Variants in CNST observed in about 807,000 individuals in gnomAD.
CNST encodes the protein consortin, connexin sorting protein, also known as consortin.
A neutral mutation model predicts 72.4 loss-of-function variants in CNST; 39 were observed. The ratio of observed to expected loss-of-function variants is 0.54; its 90% confidence interval spans 0.42 to 0.70. CNST has a LOEUF of 0.70. CNST is among the 30% of genes least tolerant of loss of function. The probability of loss-of-function intolerance (pLI) is 0.00; values close to 1 mark genes in which losing one functional copy is unlikely to be tolerated. For synonymous variants in CNST, 332 were observed against 320.1 expected (o/e 1.04, Z -0.40); for missense variants, 871 against 868.5 (o/e 1.00, Z -0.04).
At chr1:246,661,502 T>C (rs1667102345) in intron 10 of CNST, among the ~76,000 whole-genome samples, 1 of 152,226 alleles carries the variant, frequency 6.6e-6, no homozygotes, top group African/African-American at 2.4e-5. Flanking sequence ...TTCCTCTTCA[T>C]TGATAGAAAA....
Position 246,647,137 on chromosome 1 carries a change from AG to A in CNST, c.938-1del, listed in dbSNP as rs1290019827. 6.2e-7 allele frequency: 1 copy of A among 1,602,432 alleles called. No homozygotes were observed. Among genetic ancestry groups the A allele is most frequent in the African/African-American group, 1.3e-5 (1 of 74,156 alleles). On this transcript the variant is annotated splice_acceptor_variant, in intron 8 of 10. Transcript: ENST00000366513. LOFTEE classifies it high-confidence loss of function. ...TAACAATTTATTTTTCTTCATCTTT[AG>A]AGAGTAAAACTTGTCTCGGCACAGA...
intron 2 of CNST, among the ~76,000 whole-genome samples, chr1:246,598,309 G>A (rs1375127632): frequency 6.6e-6 from 1 of 152,116 alleles, no homozygotes; most frequent in Admixed American, 6.5e-5. Flanking sequence ...TGAGTGGCGT[G>A]ACTGGGAGTA....
intron 2 of CNST, among the ~76,000 whole-genome samples, chr1:246,599,948 C>T (rs1442421137): frequency 1.3e-5 from 2 of 152,176 alleles, no homozygotes; most frequent in African/African-American, 2.4e-5. Context: ...GAGGGAGCCA[C>T]GTAACTAACA....
intron 1 of CNST, among the ~76,000 whole-genome samples, chr1:246,575,680 A>G (rs1326038308): frequency 6.6e-6 from 1 of 152,184 alleles, no homozygotes; most frequent in African/African-American, 2.4e-5. Context: ...TGTGAATACT[A>G]AAAGCTATTG....
chr1:246,575,456 T>C (rs188273286), intron 1 of CNST, among the ~76,000 whole-genome samples: 1 of 152,292 alleles, frequency 6.6e-6, no homozygotes, highest in African/African-American at 2.4e-5. Context: ...TGAAAGAAGC[T>C]AATTGCAATA....
intron 1 of CNST, among the ~76,000 whole-genome samples, chr1:246,577,942 C>A (rs979530134): frequency 2.6e-5 from 4 of 151,994 alleles, no homozygotes; most frequent in African/African-American, 9.7e-5. Flanking sequence ...AAGTTTCCCT[C>A]TTCTGTTTCC....
intron 1 of CNST, 125 bp from the exon 2 acceptor site, chr1:246,591,387 C>A: frequency 1.4e-6 from 1 of 701,058 alleles, no homozygotes; most frequent in Non-Finnish European, 2.3e-6. Flanking sequence ...AGGGAATGAA[C>A]TTAAGTCATT....
chr1:246,659,594 C>CAA (rs35795572), intron 9 of CNST, among the ~76,000 whole-genome samples: 4 of 124,338 alleles, frequency 3.2e-5, no homozygotes, highest in Non-Finnish European at 7.1e-5. Flanking sequence ...GACTCTGTCT[C>CAA]AAAAAAAAAA....
chr1:246,625,662 C>T (rs181710338), intron 3 of CNST, among the ~76,000 whole-genome samples: 329 of 152,026 alleles, frequency 2.2e-3, no homozygotes, highest in African/African-American at 7.7e-3. Flanking sequence ...CCTCACGATC[C>T]GCCCGCCTCG....
chr1:246,634,675 G>C (rs978668219), intron 6 of CNST, 88 bp downstream of exon 6: 1 of 728,316 alleles, frequency 1.4e-6, no homozygotes, highest in Admixed American at 2.7e-5. Flanking sequence ...TTTGTTTTAT[G>C]TTTTCAACTG....
intron 10 of CNST, among the ~76,000 whole-genome samples, chr1:246,664,604 T>G (rs950998944): frequency 3.3e-5 from 5 of 152,026 alleles, no homozygotes; most frequent in Non-Finnish European, 5.9e-5. Context: ...TTTTTTATAT[T>G]TTTAGTAGAG....
intron 2 of CNST, among the ~76,000 whole-genome samples, chr1:246,601,657 G>T (rs1054995032): frequency 6.6e-6 from 1 of 152,144 alleles, no homozygotes; most frequent in Non-Finnish European, 1.5e-5. Flanking sequence ...AGCTGGGCGT[G>T]GTGGCACATG....
intron 1 of CNST, among the ~76,000 whole-genome samples, chr1:246,569,480 T>C (rs1305464601): frequency 6.6e-6 from 1 of 152,202 alleles, no homozygotes; most frequent in Non-Finnish European, 1.5e-5. Context: ...TTCTGTGGGG[T>C]AAATTAAAAA....
chr1:246,616,252 T>G (rs1430654377), intron 2 of CNST, among the ~76,000 whole-genome samples: 1 of 152,054 alleles, frequency 6.6e-6, no homozygotes, highest in African/African-American at 2.4e-5. Context: ...TTTTTGTGTA[T>G]CAGAAGGAAT....
intron 2 of CNST, among the ~76,000 whole-genome samples, chr1:246,593,313 T>C (rs925358180): frequency 1.3e-5 from 2 of 150,622 alleles, no homozygotes; most frequent in South Asian, 2.1e-4. Context: ...ACCAGGGATA[T>C]GAAAGCTTTT....
intron 2 of CNST, among the ~76,000 whole-genome samples, chr1:246,618,642 G>A (rs907073110): frequency 2.6e-5 from 4 of 152,118 alleles, no homozygotes; most frequent in African/African-American, 9.7e-5. Flanking sequence ...ACTTCTGTGG[G>A]CTTTTGGAAC....
chr1:246,632,960 A>C (rs977592358), intron 4 of CNST, among the ~76,000 whole-genome samples: 3 of 152,208 alleles, frequency 2.0e-5, no homozygotes, highest in Admixed American at 6.5e-5. Context: ...GAAAGTAAGG[A>C]GAGAAATAAA....
chr1:246,649,435 A>C (rs1666329503), intron 9 of CNST, among the ~76,000 whole-genome samples: 1 of 152,212 alleles, frequency 6.6e-6, no homozygotes, highest in African/African-American at 2.4e-5. Flanking sequence ...TCTCTTGTAC[A>C]TTTTAACTAA....
rs574331017 is a variant in CNST at position 246,661,208 on chromosome 1, G to A, written c.1972+874G>A. Among the ~76,000 whole-genome samples the A allele has an allele frequency of 2.6e-5, 4 of 152,058 alleles. No homozygotes were observed. In the South Asian group the frequency reaches 8.3e-4, roughly 32 times the overall value. On this transcript the variant is annotated intron_variant, in intron 10 of 10. Coordinates refer to ENST00000366513, the MANE Select transcript of CNST (RefSeq NM_152609.3). ...TGGTCTCAAACTCCTAACCTCATGAGGTTAGGATCTGCCTGCCTTGGCCTC... is the reference window on the plus strand; with the variant it reads ...TGGTCTCAAACTCCTAACCTCATGAAGTTAGGATCTGCCTGCCTTGGCCTC...
Sources: allele counts gnomAD v4.1 joint callset (sites outside exome capture counted in the v4.1 genomes callset), GRCh38; gene constraint gnomAD v4.1.1; transcripts MANE v1.5; gene names NCBI Gene and HGNC (gene_info 2026-07-23, HGNC 2026-07-21).